The following CNKSR3 variants were observed in gnomAD, a reference collection of about 807,000 sequenced individuals.
CNKSR3 encodes CNKSR family member 3.
In CNKSR3, 36 loss-of-function variants were observed where a neutral mutation model predicts 67.7. The observed-to-expected ratio is 0.53, with a 90% CI of 0.41 to 0.70. CNKSR3 has a LOEUF of 0.70. Ranked by LOEUF, CNKSR3 falls within the 30% of genes least tolerant of loss-of-function variation. The probability of loss-of-function intolerance (pLI) is 0.00; values close to 1 mark genes in which losing one functional copy is unlikely to be tolerated. For synonymous variants in CNKSR3, 281 were observed against 271.4 expected, an observed-to-expected ratio of 1.04 and a Z score of -0.35; for missense variants, 630 against 695.2, an observed-to-expected ratio of 0.91 and a Z score of 1.05.
chr6:154,489,394 G>A (rs951425151), intron 1 of CNKSR3, among the ~76,000 whole-genome samples: 1 of 152,134 alleles, frequency 6.6e-6, no homozygotes, highest in African/African-American at 2.4e-5. Context: ...AGCCTGGTGT[G>A]GTGGCGCACG....
rs769111428 is a variant in CNKSR3 at position 154,442,160 on chromosome 6, G to T, written c.347C>A (p.Ala116Asp). Residue 116 changes from alanine to aspartate, a missense_variant, in exon 3 of 13, where the codon GCC (alanine) becomes GAC (aspartate). Around this residue, in one of 3 missense-constraint regions of CNKSR3, gnomAD observed 189 missense variants for 205.0 expected, o/e 0.92. Transcript: ENST00000607772. ...CACCGAGGTCAGGAACTCATTGGGGGCCTTGCGGGAGGTGTTGCCATCGTA... is the reference window on the plus strand; with the variant it reads ...CACCGAGGTCAGGAACTCATTGGGGTCCTTGCGGGAGGTGTTGCCATCGTA... ...PAYDGNTSRK[A>D]PNEFLTSVVE... The T allele has an allele frequency of 6.2e-7, 1 of 1,614,206 alleles. No individual in the cohort carries two copies. Among genetic ancestry groups the T allele is most frequent in the South Asian group, 1.1e-5 (1 of 91,078 alleles).
chr6:154,447,495 C>T (rs78720223), intron 2 of CNKSR3, among the ~76,000 whole-genome samples: 4,666 of 152,204 alleles, frequency 0.031, 193 homozygotes, highest in East Asian at 0.19. Context: ...ATACAAATCA[C>T]TCTCCTAAGC....
At chr6:154,429,538 C>T (rs1441681444) in intron 6 of CNKSR3, among the ~76,000 whole-genome samples, 1 of 152,166 alleles carries the variant, frequency 6.6e-6, no homozygotes. Flanking sequence ...CCTGTTTAAA[C>T]TTAATCTGAT....
chr6:154,430,353 C>A, intron 6 of CNKSR3, 119 bp downstream of exon 6: 1 of 783,794 alleles, frequency 1.3e-6, no homozygotes, highest in Non-Finnish European at 2.0e-6. Context: ...TAATGGAAGG[C>A]AGTCTAAATT....
At chr6:154,424,049 G>A (rs1289491438) in intron 7 of CNKSR3, among the ~76,000 whole-genome samples, 3 of 151,928 alleles carry the variant, frequency 2.0e-5, no homozygotes, top group Admixed American at 1.3e-4. Flanking sequence ...TGGCTAACAC[G>A]GTGAAATCCC....
intron 1 of CNKSR3, among the ~76,000 whole-genome samples, chr6:154,459,088 G>T (rs1786020977): frequency 6.9e-6 from 1 of 145,250 alleles, no homozygotes; most frequent in Middle Eastern, 3.2e-3. Flanking sequence ...GAAAGAGAAA[G>T]AAGAAAAAGA....
intron 4 of CNKSR3, among the ~76,000 whole-genome samples, chr6:154,436,257 C>G (rs970797968): frequency 6.6e-6 from 1 of 152,184 alleles, no homozygotes. Flanking sequence ...CTGCAGCCTC[C>G]GCTTCCCAAG....
chr6:154,497,349 C>T lies in CNKSR3; in HGVS notation c.52+12714G>A, dbSNP rs535455138. Reference sequence around the variant, plus strand: ...AAAGCTGCAGTGAGCCCTGAATATGCCACTGCACTCCAGCCTGGGTGACAG... The same window carrying T: ...AAAGCTGCAGTGAGCCCTGAATATGTCACTGCACTCCAGCCTGGGTGACAG... On this transcript the variant is annotated intron_variant, in intron 1 of 12. Coordinates refer to ENST00000607772, the MANE Select transcript of CNKSR3 (RefSeq NM_173515.4). Among the ~76,000 whole-genome samples, 4 of 152,178 alleles carry T rather than the reference C, an allele frequency of 2.6e-5. No homozygotes were observed. The East Asian group carries it at 7.7e-4, about 29-fold the overall frequency.
intron 1 of CNKSR3, among the ~76,000 whole-genome samples, chr6:154,508,603 T>G (rs1787148445): frequency 1.3e-5 from 2 of 152,260 alleles, no homozygotes; most frequent in South Asian, 4.1e-4. Flanking sequence ...CATTTCAAGC[T>G]AGCGTGGGCA....
chr6:154,487,618 A>T lies in CNKSR3; in HGVS notation c.52+22445T>A, dbSNP rs534292991. 2.0e-5 allele frequency among the ~76,000 whole-genome samples: 3 copies of T among 152,336 alleles called. No individual in the cohort carries two copies. In the East Asian group the frequency reaches 5.8e-4, roughly 29 times the overall value. On this transcript the variant is annotated intron_variant, in intron 1 of 12. Transcript: ENST00000607772. Reference sequence around the variant, plus strand: ...TTTATCCAGCCCCAACAGAGACAGGAAGAGACTGTGAATGAATGGACACAT... The same window carrying T: ...TTTATCCAGCCCCAACAGAGACAGGTAGAGACTGTGAATGAATGGACACAT...
intron 12 of CNKSR3, among the ~76,000 whole-genome samples, chr6:154,409,916 G>A (rs906064739): frequency 6.7e-5 from 10 of 149,228 alleles, no homozygotes; most frequent in East Asian, 2.0e-4. Context: ...CCGTGGTGGC[G>A]TGCACCTGTA....
chr6:154,446,547 C>T (rs914077549), intron 2 of CNKSR3, among the ~76,000 whole-genome samples: 1 of 152,148 alleles, frequency 6.6e-6, no homozygotes, highest in African/African-American at 2.4e-5. Flanking sequence ...AAATGATTTG[C>T]CTTGGGTGAA....
chr6:154,454,194 C>T (rs1238695610), intron 1 of CNKSR3, among the ~76,000 whole-genome samples: 2 of 151,452 alleles, frequency 1.3e-5, no homozygotes, highest in Non-Finnish European at 2.9e-5. Context: ...GACCGGGTAA[C>T]CTGGAGCAAG....
chr6:154,410,884 G>T, intron 11 of CNKSR3, 50 bp downstream of exon 11: 1 of 1,435,834 alleles, frequency 7.0e-7, no homozygotes, highest in Non-Finnish European at 9.6e-7. Flanking sequence ...AGGGGGCGGG[G>T]AGGAGAAGTC....
intron 7 of CNKSR3, among the ~76,000 whole-genome samples, chr6:154,425,843 TTC>T (rs1205745681): frequency 1.5e-5 from 1 of 64,674 alleles, no homozygotes; most frequent in Non-Finnish European, 4.5e-5. Flanking sequence ...CATACTAGGC[TTC>T]TTCCATTAAA....
chr6:154,418,240 C>T (rs186805905), intron 9 of CNKSR3, among the ~76,000 whole-genome samples: 8 of 152,298 alleles, frequency 5.3e-5, no homozygotes, highest in Admixed American at 3.9e-4. Context: ...GTCAAGGCTA[C>T]GCTGCACCTG....
rs991221938 is a variant in CNKSR3 at position 154,404,969 on chromosome 6, T to A, written c.*1385A>T. ...TGTTTCCTAACTCCAGTGATTTTCA[T>A]GGGCTGAATTCCAGGCAGTTCAGCA... On this transcript the variant is annotated 3_prime_UTR_variant, in exon 13 of 13. Coordinates refer to ENST00000607772, the MANE Select transcript of CNKSR3 (RefSeq NM_173515.4). 6.6e-6 allele frequency: 1 copy of A among 152,232 alleles called. No individual in the cohort carries two copies. Among genetic ancestry groups the A allele is most frequent in the Non-Finnish European group, 1.5e-5 (1 of 68,038 alleles). The allele number at this position is 152,232 out of a possible 1,614,324, so 9.4% of individuals were successfully genotyped here.
At position 154,405,704 on chromosome 6, in the gene CNKSR3, T is replaced by C. The variant is rs544246864; in HGVS notation, c.*650A>G. The C allele has an allele frequency of 1.3e-5, 2 of 152,382 alleles. No individual in the cohort carries two copies. Among genetic ancestry groups the C allele is most frequent in the African/African-American group, 4.8e-5 (2 of 41,568 alleles). The allele number at this position is 152,382 out of a possible 1,614,324, so 9.4% of individuals were successfully genotyped here. A position where few individuals can be genotyped will look rare whatever the true frequency, so the allele number is the denominator to read the frequency against. On this transcript the variant is annotated 3_prime_UTR_variant, in exon 13 of 13. Transcript: ENST00000607772. ...ACACAAATAACCATAAACTTCTTTG[T>C]GTGAAATAAGCCCTATCAAAATGTG...
rs1784741252 is a variant in CNKSR3 at position 154,403,773 on chromosome 6, C to G, written c.*2581G>C. On this transcript the variant is annotated 3_prime_UTR_variant, in exon 13 of 13. Coordinates refer to ENST00000607772, the MANE Select transcript of CNKSR3 (RefSeq NM_173515.4). ...GGCTGAAAAGCACCAATCTGGTTGG[C>G]CACTGCCTATAATGAAGACTGACTG... 1 of 152,104 alleles carries G rather than the reference C, an allele frequency of 6.6e-6. No individual in the cohort carries two copies. Among genetic ancestry groups the G allele is most frequent in the African/African-American group, 2.4e-5 (1 of 41,416 alleles). 9.4% of individuals were successfully genotyped at this position (152,104 alleles called of 1,614,324 possible). A position where few individuals can be genotyped will look rare whatever the true frequency, so the allele number is the denominator to read the frequency against.
Sources: gnomAD v4.1 joint callset for allele counts (sites outside exome capture counted in the v4.1 genomes callset) on GRCh38, gnomAD v4.1.1 for gene constraint, gnomAD v4.1.1 regional missense constraint, MANE v1.5 for transcripts, NCBI Gene and HGNC (gene_info 2026-07-23, HGNC 2026-07-21) for gene names.